Variants in UGT2A1 observed in about 807,000 individuals in gnomAD.
The protein encoded by UGT2A1 is UDP glucuronosyltransferase family 2 member A1 complex locus.
A neutral mutation model predicts 45.4 loss-of-function variants in UGT2A1; 61 were observed. That is an observed-to-expected ratio of 1.34 (90% CI 1.09 to 1.66). The LOEUF (loss-of-function observed/expected upper bound fraction) is 1.66. Among genes scored for constraint, UGT2A1 ranks in the 40% most tolerant of loss-of-function variants. The pLI is 0.00. For missense variants in UGT2A1, 649 were observed against 574.3 expected, an observed-to-expected ratio of 1.13 and a Z score of -1.33; for synonymous variants, 229 against 196.2, an observed-to-expected ratio of 1.17 and a Z score of -1.40.
intron 1 of UGT2A1, among the ~76,000 whole-genome samples, chr4:69,648,039 C>G (rs1054533095): frequency 6.6e-6 from 1 of 151,624 alleles, no homozygotes; most frequent in Non-Finnish European, 1.5e-5. Context: ...TCAGATAGGA[C>G]CAAAACTCAT....
chr4:69,617,407 A>C (rs1405731317), intron 3 of UGT2A1, among the ~76,000 whole-genome samples: 1 of 151,982 alleles, frequency 6.6e-6, no homozygotes. Flanking sequence ...GTTTATACAA[A>C]GATATAATAT....
chr4:69,621,439 A>G (rs1720749482), intron 3 of UGT2A1, among the ~76,000 whole-genome samples: 1 of 152,024 alleles, frequency 6.6e-6, no homozygotes, highest in Non-Finnish European at 1.5e-5. Context: ...GAAAATCAAA[A>G]CCACAGTGAG....
intron 1 of UGT2A1, among the ~76,000 whole-genome samples, chr4:69,650,540 T>C (rs1359270256): frequency 6.6e-6 from 1 of 151,894 alleles, no homozygotes; most frequent in Non-Finnish European, 1.5e-5. Flanking sequence ...TTTGAGAATA[T>C]AAAGTAATAA....
At chr4:69,610,865 G>C (rs1163056589) in intron 3 of UGT2A1, among the ~76,000 whole-genome samples, 1 of 152,138 alleles carries the variant, frequency 6.6e-6, no homozygotes, top group Non-Finnish European at 1.5e-5. Flanking sequence ...TAGTTTGCTA[G>C]CACTGCTACA....
At chr4:69,630,872 C>T (rs1721342293) in intron 3 of UGT2A1, among the ~76,000 whole-genome samples, 1 of 151,924 alleles carries the variant, frequency 6.6e-6, no homozygotes, top group African/African-American at 2.4e-5. Context: ...ATCAATTATA[C>T]ATATATTATA....
Position 69,630,535 on chromosome 4 carries a change from A to G in UGT2A1, c.847+5156T>C, listed in dbSNP as rs541595139. Among the ~76,000 whole-genome samples the G allele has an allele frequency of 1.6e-4, 25 of 152,228 alleles. 1 individual carries two copies. Among genetic ancestry groups the G allele is most frequent in the Admixed American group, 5.9e-4 (9 of 15,284 alleles). On this transcript the variant is annotated intron_variant, in intron 3 of 6. Transcript: ENST00000286604. ...ATATTTACACATTGTACTCTAAGCT[A>G]CTACAAATCACTGTGAATATCAATA...
Position 69,641,301 on chromosome 4 carries a change from T to C in UGT2A1, c.716-5479A>G, listed in dbSNP as rs75207504. On this transcript the variant is annotated intron_variant, in intron 2 of 6. Coordinates refer to ENST00000286604, the MANE Select transcript of UGT2A1 (RefSeq NM_001252275.3). Reference sequence around the variant, plus strand: ...TAACGCTTTTAATTTGAGTTGATTATCCTTAAAACAACATTTTGTTTAGTA... The same window carrying C: ...TAACGCTTTTAATTTGAGTTGATTACCCTTAAAACAACATTTTGTTTAGTA... Among the ~76,000 whole-genome samples the C allele has an allele frequency of 0.012, 1,766 of 152,076 alleles. 138 individuals are homozygous for C. The East Asian group carries it at 0.24, about 20-fold the overall frequency.
At chr4:69,632,196 G>A (rs181208178) in intron 3 of UGT2A1, among the ~76,000 whole-genome samples, 279 of 152,164 alleles carry the variant, frequency 1.8e-3, no homozygotes, top group African/African-American at 6.4e-3. Context: ...AAGGTGTTTT[G>A]ATATAAATAT....
intron 3 of UGT2A1, among the ~76,000 whole-genome samples, chr4:69,620,881 G>A (rs1309024273): frequency 6.6e-6 from 1 of 151,506 alleles, no homozygotes; most frequent in African/African-American, 2.4e-5. Flanking sequence ...TGACAAAACC[G>A]ACAAAACCAA....
At chr4:69,632,550 C>T (rs761943168) in intron 3 of UGT2A1, among the ~76,000 whole-genome samples, 6 of 151,902 alleles carry the variant, frequency 3.9e-5, no homozygotes, top group Non-Finnish European at 7.4e-5. Context: ...TTCTTATGCA[C>T]GACAATAGTA....
chr4:69,638,504 C>G (rs1479390233), intron 2 of UGT2A1, among the ~76,000 whole-genome samples: 2 of 152,070 alleles, frequency 1.3e-5, no homozygotes, highest in Non-Finnish European at 2.9e-5. Flanking sequence ...TCAAAGCTTT[C>G]TGCAGACAAA....
At chr4:69,594,351 T>A (rs1412992315) in intron 6 of UGT2A1, 126 bp downstream of exon 6, 1 of 1,267,644 alleles carries the variant, frequency 7.9e-7, no homozygotes, top group Non-Finnish European at 1.1e-6. Flanking sequence ...TAAAATAGTT[T>A]TTATATTGGT....
intron 2 of UGT2A1, chr4:69,639,554 A>G: frequency 1.9e-6 from 3 of 1,612,694 alleles, no homozygotes; most frequent in Non-Finnish European, 1.7e-6. Context: ...ACACATTCCC[A>G]CTTAGAACAA....
At chr4:69,598,451 G>A (rs1193201126) in intron 4 of UGT2A1, among the ~76,000 whole-genome samples, 2 of 151,850 alleles carry the variant, frequency 1.3e-5, no homozygotes, top group Admixed American at 1.3e-4. Context: ...CTTTTCTGAA[G>A]ACTTCATATT....
chr4:69,597,838 C>T (rs1719030360), intron 4 of UGT2A1, among the ~76,000 whole-genome samples: 2 of 152,058 alleles, frequency 1.3e-5, no homozygotes, highest in Admixed American at 6.6e-5. Flanking sequence ...CAGTGATTGG[C>T]GTAATTATTT....
chr4:69,617,994 G>T (rs1720500206), intron 3 of UGT2A1, among the ~76,000 whole-genome samples: 1 of 151,744 alleles, frequency 6.6e-6, no homozygotes, highest in African/African-American at 2.4e-5. Context: ...ATTCACATTT[G>T]GGATTTAATG....
At chr4:69,593,054 A>G (rs947044876) in intron 6 of UGT2A1, among the ~76,000 whole-genome samples, 5 of 152,172 alleles carry the variant, frequency 3.3e-5, no homozygotes, top group Non-Finnish European at 7.4e-5. Flanking sequence ...GGCCATAAGT[A>G]ATATTTCCAC....
intron 3 of UGT2A1, among the ~76,000 whole-genome samples, chr4:69,631,582 A>G (rs1227016961): frequency 1.3e-5 from 2 of 152,100 alleles, no homozygotes; most frequent in African/African-American, 4.8e-5. Flanking sequence ...GAAGAATACT[A>G]TTTGAGATGA....
In UGT2A1 at chr4:69,609,155, A is replaced by ATTTTT. The variant is rs10627999; in HGVS notation, c.848-9766_848-9762dup. On this transcript the variant is annotated intron_variant, in intron 3 of 6. Transcript: ENST00000286604. The stretch of plus-strand genomic sequence containing the variant: ...CTCAGGCTCATCTAGAATATATAAG[A>ATTTTT]TTTTTTTTTTTTTTTGACACAGCGT... Among the ~76,000 whole-genome samples, 90 of 142,300 alleles carry ATTTTT rather than the reference A, an allele frequency of 6.3e-4. 1 individual carries two copies. Among genetic ancestry groups the ATTTTT allele is most frequent in the South Asian group, 4.7e-3 (21 of 4,452 alleles). 93.4% of individuals were successfully genotyped at this position (142,300 alleles called of 152,430 possible). A position where few individuals can be genotyped will look rare whatever the true frequency, so the allele number is the denominator to read the frequency against.
Sources: gnomAD v4.1 joint callset for allele counts (sites outside exome capture counted in the v4.1 genomes callset) on GRCh38, gnomAD v4.1.1 for gene constraint, MANE v1.5 for transcripts, NCBI Gene and HGNC (gene_info 2026-07-23, HGNC 2026-07-21) for gene names.